The following ZCCHC7 variants were observed in gnomAD, a reference collection of about 807,000 sequenced individuals.
ZCCHC7 encodes zinc finger CCHC domain-containing protein 7.
ZCCHC7 carries 35 observed loss-of-function variants against 52.0 expected under a neutral mutation model. The observed-to-expected ratio is 0.67, with a 90% CI of 0.51 to 0.89. ZCCHC7 has a LOEUF of 0.89. Ranked by LOEUF, ZCCHC7 falls within the 40% of genes least tolerant of loss-of-function variation. ZCCHC7 has a pLI of 0.00. For synonymous variants in ZCCHC7, 217 were observed against 221.5 expected (o/e 0.98, Z 0.18); for missense variants, 574 against 649.1 (o/e 0.88, Z 1.26).
chr9:37,271,862 G>A (rs568235581), intron 2 of ZCCHC7, among the ~76,000 whole-genome samples: 1 of 152,242 alleles, frequency 6.6e-6, no homozygotes, highest in South Asian at 2.1e-4. Flanking sequence ...GAGTCACTGC[G>A]CCCGGCCATT....
In ZCCHC7 at chr9:37,258,757, T is replaced by TAAAAAAAAA. The variant is rs5897683; in HGVS notation, c.611-43411_611-43403dup. Among the ~76,000 whole-genome samples, 93 of 55,366 alleles carry TAAAAAAAAA rather than the reference T, an allele frequency of 1.7e-3. 8 individuals carry two copies. The highest frequency in any genetic ancestry group is 7.7e-3 in the African/African-American group (90 of 11,626). The allele number at this position is 55,366 out of a possible 152,430, so 36.3% of individuals were successfully genotyped here. ...GGTGAGAGAGCGAGATCCTGTCTCTTAAAAAAAAAAAAAAAAAAAAAAAAA... is the reference window on the plus strand; with the variant it reads ...GGTGAGAGAGCGAGATCCTGTCTCTTAAAAAAAAAAAAAAAAAAAAAAAAAAAAAAAAAA... On this transcript the variant is annotated intron_variant, in intron 2 of 8. Coordinates refer to ENST00000336755, the MANE Select transcript of ZCCHC7 (RefSeq NM_032226.3).
At chr9:37,305,749 T>G in intron 5 of ZCCHC7, 35 bp downstream of exon 5, 2 of 1,606,878 alleles carry the variant, frequency 1.2e-6, no homozygotes, top group Non-Finnish European at 1.7e-6. Context: ...TTGTCAGGCT[T>G]TGGAGGGAGT....
rs574910551 is a variant in ZCCHC7, at chr9:37,174,222, T to G, written c.610+47280T>G. On this transcript the variant is annotated intron_variant, in intron 2 of 8. Transcript: ENST00000336755. ...TCCTTGGGAGGCTGAGGCACGAGAA[T>G]CGCTTGAACCTGGGAGGCGGAGGTT... 2.0e-5 allele frequency among the ~76,000 whole-genome samples: 3 copies of G among 152,168 alleles called. No individual in the cohort carries two copies. The East Asian group carries it at 5.8e-4, about 29-fold the overall frequency.
At chr9:37,216,176 A>G (rs1281948866) in intron 2 of ZCCHC7, among the ~76,000 whole-genome samples, 1 of 152,050 alleles carries the variant, frequency 6.6e-6, no homozygotes, top group Non-Finnish European at 1.5e-5. Context: ...GTCATATAGC[A>G]TTTTCTGTAA....
chr9:37,330,493 A>G (rs1444246947), intron 6 of ZCCHC7, among the ~76,000 whole-genome samples: 1 of 151,574 alleles, frequency 6.6e-6, no homozygotes, highest in East Asian at 1.9e-4. Flanking sequence ...CTATGTTTTA[A>G]TGATTCTATA....
chr9:37,356,768 C>G, intron 8 of ZCCHC7, 67 bp from the exon 9 acceptor site: 1 of 1,416,434 alleles, frequency 7.1e-7, no homozygotes, highest in Non-Finnish European at 9.5e-7. Flanking sequence ...AAGTTATTTA[C>G]ACTTAGGAAA....
At chr9:37,186,853 C>T (rs1249668237) in intron 2 of ZCCHC7, 5 of 368,144 alleles carry the variant, frequency 1.4e-5, no homozygotes, top group Non-Finnish European at 2.6e-5. Flanking sequence ...GAATTTGCAC[C>T]TACTCTGTAA....
rs773916363 is a variant in ZCCHC7, at chr9:37,126,518, G to A, written c.186G>A (p.Ser62=). The part of the protein sequence containing the change: ...EEHEEKNSGN[S]ESSSSKPNQK... ...ATGAAGAAAAGAACTCTGGGAATTCGGAATCTTCGAGTAGTAAACCAAATC... is the reference window on the plus strand; with the variant it reads ...ATGAAGAAAAGAACTCTGGGAATTCAGAATCTTCGAGTAGTAAACCAAATC... The change falls in exon 2 of 9, where the codon TCG becomes TCA. Residue 62 remains serine, a synonymous_variant. Transcript: ENST00000336755. 1.9e-5 allele frequency: 30 copies of A among 1,613,710 alleles called. No homozygotes were observed. Among genetic ancestry groups the A allele is most frequent in the African/African-American group, 5.3e-5 (4 of 74,898 alleles).
intron 2 of ZCCHC7, among the ~76,000 whole-genome samples, chr9:37,230,068 A>G (rs897160359): frequency 1.3e-5 from 2 of 152,224 alleles, no homozygotes; most frequent in African/African-American, 4.8e-5. Context: ...CTTCAGGGAC[A>G]AAAACACACA....
At chr9:37,276,141 C>T (rs1294606499) in intron 2 of ZCCHC7, among the ~76,000 whole-genome samples, 3 of 152,126 alleles carry the variant, frequency 2.0e-5, no homozygotes, top group East Asian at 3.8e-4. Context: ...AAGTCAAATA[C>T]CTTTCATGTG....
intron 2 of ZCCHC7, among the ~76,000 whole-genome samples, chr9:37,225,636 G>T (rs1719126754): frequency 6.6e-6 from 1 of 152,118 alleles, no homozygotes; most frequent in Admixed American, 6.5e-5. Context: ...GGTTTAACGT[G>T]AAAATTAAGC....
intron 2 of ZCCHC7, among the ~76,000 whole-genome samples, chr9:37,164,384 G>T (rs1249215155): frequency 6.6e-6 from 1 of 151,992 alleles, no homozygotes; most frequent in Non-Finnish European, 1.5e-5. Context: ...GGCGGAAGTT[G>T]CAGTGAGCCG....
At chr9:37,146,678 G>A (rs1288020146) in intron 2 of ZCCHC7, among the ~76,000 whole-genome samples, 3 of 151,870 alleles carry the variant, frequency 2.0e-5, no homozygotes, top group African/African-American at 7.2e-5. Flanking sequence ...AGTTTTTGCT[G>A]CTCAACATTT....
At chr9:37,198,933 T>C (rs183471644) in intron 2 of ZCCHC7, among the ~76,000 whole-genome samples, 96 of 152,338 alleles carry the variant, frequency 6.3e-4, no homozygotes, top group Admixed American at 1.4e-3. Flanking sequence ...TTTTCCTTGC[T>C]CTTTGAAATT....
At chr9:37,252,901 A>C (rs1465215497) in intron 2 of ZCCHC7, among the ~76,000 whole-genome samples, 2 of 152,144 alleles carry the variant, frequency 1.3e-5, no homozygotes, top group Non-Finnish European at 2.9e-5. Context: ...CCAGGCTTTA[A>C]AATGCCTTCT....
chr9:37,155,223 T>C (rs1419570122), intron 2 of ZCCHC7, among the ~76,000 whole-genome samples: 1 of 151,792 alleles, frequency 6.6e-6, no homozygotes, highest in Admixed American at 6.6e-5. Context: ...TAGCCGGGCG[T>C]GGTGGTGGGC....
intron 2 of ZCCHC7, among the ~76,000 whole-genome samples, chr9:37,223,731 TAG>T (rs1300644435): frequency 3.3e-5 from 5 of 152,072 alleles, no homozygotes; most frequent in African/African-American, 9.7e-5. Flanking sequence ...TAAGGAATAA[TAG>T]AGTGTATGTA....
At chr9:37,329,708 G>A (rs1830381137) in intron 6 of ZCCHC7, among the ~76,000 whole-genome samples, 1 of 151,806 alleles carries the variant, frequency 6.6e-6, no homozygotes, top group African/African-American at 2.4e-5. Context: ...GCAATATTCA[G>A]TCTTGAATAA....
At chr9:37,163,489 C>G (rs1352493108) in intron 2 of ZCCHC7, among the ~76,000 whole-genome samples, 2 of 152,128 alleles carry the variant, frequency 1.3e-5, no homozygotes, top group East Asian at 1.9e-4. Context: ...TTTTCAGTTC[C>G]TCCAAATCCT....
Sources: gnomAD v4.1 joint callset for allele counts (sites outside exome capture counted in the v4.1 genomes callset) on GRCh38, gnomAD v4.1.1 for gene constraint, MANE v1.5 for transcripts, NCBI Gene and HGNC (gene_info 2026-07-23, HGNC 2026-07-21) for gene names.